The following TMEM236 variants were observed in gnomAD, a reference collection of about 807,000 sequenced individuals.
TMEM236 encodes the protein transmembrane protein 236, also known as family with sequence similarity 23, member A.
A neutral mutation model predicts 14.7 loss-of-function variants in TMEM236; 11 were observed. The observed-to-expected ratio is 0.75, with a 90% CI of 0.47 to 1.24. The LOEUF is 1.24. Ranked by LOEUF, TMEM236 falls within the 50% of genes most tolerant of loss-of-function variation. TMEM236 has a pLI of 0.00. For missense variants in TMEM236, 464 were observed against 427.3 expected (o/e 1.09, Z -0.76); for synonymous variants, 182 against 168.6 (o/e 1.08, Z -0.62).
intron 3 of TMEM236, among the ~76,000 whole-genome samples, chr10:17,783,624 T>C (rs1366844465): frequency 6.6e-6 from 1 of 152,220 alleles, no homozygotes; most frequent in Non-Finnish European, 1.5e-5. Context: ...ATGCAGAACT[T>C]CCGGCTCACA....
chr10:17,764,531 C>A (rs1019191174), intron 1 of TMEM236, among the ~76,000 whole-genome samples: 1 of 152,266 alleles, frequency 6.6e-6, no homozygotes, highest in African/African-American at 2.4e-5. Context: ...CCTAGGACTG[C>A]TATAACAAAG....
intron 1 of TMEM236, among the ~76,000 whole-genome samples, chr10:17,770,983 T>G (rs1837562527): frequency 6.6e-6 from 1 of 152,256 alleles, no homozygotes; most frequent in South Asian, 2.1e-4. Context: ...AGTTGGTCAC[T>G]ACAGCCTGAC....
At chr10:17,779,494 A>AT (rs1837713788) in intron 3 of TMEM236, among the ~76,000 whole-genome samples, 1 of 151,978 alleles carries the variant, frequency 6.6e-6, no homozygotes, top group Non-Finnish European at 1.5e-5. Flanking sequence ...TAATTAATTA[A>AT]TTTTTTGAGA....
In TMEM236 at chr10:17,800,223, C is replaced by G. The variant is rs1480263359; in HGVS notation, c.*3719C>G. 2 of 147,406 alleles carry G rather than the reference C, an allele frequency of 1.4e-5. No individual in the cohort carries two copies. Among genetic ancestry groups the G allele is most frequent in the African/African-American group, 2.5e-5 (1 of 39,770 alleles). 9.1% of individuals were successfully genotyped at this position (147,406 alleles called of 1,614,324 possible). A position where few individuals can be genotyped will look rare whatever the true frequency, so the allele number is the denominator to read the frequency against. ...CTCCAGCCTGGGCAACAGATTGAGA[C>G]TCTGTCTCAAAAAAAAAAAAAAGTC... On this transcript the variant is annotated 3_prime_UTR_variant, in exon 4 of 4. Transcript: ENST00000377495.
Position 17,800,223 on chromosome 10 carries a change from C to T in TMEM236, c.*3719C>T, listed in dbSNP as rs1480263359. ...CTCCAGCCTGGGCAACAGATTGAGA[C>T]TCTGTCTCAAAAAAAAAAAAAAGTC... On this transcript the variant is annotated 3_prime_UTR_variant, in exon 4 of 4. Coordinates refer to ENST00000377495, the MANE Select transcript of TMEM236 (RefSeq NM_001098844.3). 6.8e-6 allele frequency: 1 copy of T among 147,406 alleles called. No individual in the cohort carries two copies. The highest frequency in any genetic ancestry group is 2.5e-5 in the African/African-American group (1 of 39,770). The allele number at this position is 147,406 out of a possible 1,614,324, so 9.1% of individuals were successfully genotyped here. A position where few individuals can be genotyped will look rare whatever the true frequency, so the allele number is the denominator to read the frequency against.
At position 17,796,131 on chromosome 10, in the gene TMEM236, T is replaced by C; in HGVS notation, c.683T>C (p.Met228Thr). Residue 228 changes from methionine to threonine, a missense_variant, in exon 4 of 4, where the codon ATG becomes ACG. Transcript: ENST00000377495. Reference protein sequence around the residue: ...PSCDSGILRMMSRRDVRAELF... With the variant: ...PSCDSGILRMTSRRDVRAELF... Reference sequence around the variant, plus strand: ...TGTGACTCCGGAATCCTGAGAATGATGTCCCGGCGAGATGTCCGGGCAGAG... The same window carrying C: ...TGTGACTCCGGAATCCTGAGAATGACGTCCCGGCGAGATGTCCGGGCAGAG... 1 of 1,613,946 alleles carries C rather than the reference T, an allele frequency of 6.2e-7. No homozygotes were observed. The highest frequency in any genetic ancestry group is 1.7e-5 in the Admixed American group (1 of 60,008).
intron 3 of TMEM236, among the ~76,000 whole-genome samples, chr10:17,779,550 A>G (rs1000120957): frequency 6.6e-6 from 1 of 152,072 alleles, no homozygotes; most frequent in African/African-American, 2.4e-5. Flanking sequence ...AGCTGGGAAT[A>G]CAGGAGGGCA....
At chr10:17,786,329 C>A (rs1478439949) in intron 3 of TMEM236, among the ~76,000 whole-genome samples, 1 of 152,172 alleles carries the variant, frequency 6.6e-6, no homozygotes, top group Non-Finnish European at 1.5e-5. Context: ...TCAAAGAGAG[C>A]TGATCACCTG....
At chr10:17,769,694 G>A (rs1207091733) in intron 1 of TMEM236, among the ~76,000 whole-genome samples, 1 of 152,140 alleles carries the variant, frequency 6.6e-6, no homozygotes, top group Admixed American at 6.5e-5. Flanking sequence ...TCTTAGCCAG[G>A]TTATACTGGG....
At chr10:17,783,312 G>A (rs973638989) in intron 3 of TMEM236, among the ~76,000 whole-genome samples, 2 of 152,194 alleles carry the variant, frequency 1.3e-5, no homozygotes, top group Non-Finnish European at 2.9e-5. Context: ...ACTGTGCGGT[G>A]TGGCAAGAGG....
chr10:17,768,086 G>GTTTT (rs879036347), intron 1 of TMEM236, among the ~76,000 whole-genome samples: 83 of 91,976 alleles, frequency 9.0e-4, no homozygotes, highest in African/African-American at 1.2e-3. Context: ...AATTTTTGTG[G>GTTTT]TTTTTTTTTT....
At chr10:17,754,428 G>T (rs1421806914) in intron 1 of TMEM236, among the ~76,000 whole-genome samples, 1 of 152,012 alleles carries the variant, frequency 6.6e-6, no homozygotes, top group Admixed American at 6.6e-5. Context: ...GGGCTCAGGT[G>T]ATCCTCCTAC....
chr10:17,752,249 A>G lies in TMEM236; in HGVS notation c.-47A>G. 6.2e-7 allele frequency: 1 copy of G among 1,613,920 alleles called. No homozygotes were observed. The highest frequency in any genetic ancestry group is 8.5e-7 in the Non-Finnish European group (1 of 1,179,838). On this transcript the variant is annotated 5_prime_UTR_variant, in exon 1 of 4. Coordinates refer to ENST00000377495, the MANE Select transcript of TMEM236 (RefSeq NM_001098844.3). ...GTCTGTGGGTCCATATGCTGCCCAC[A>G]GTCAAAGAGGGAGTCCCAGGTTCTT...
At chr10:17,754,393 T>G (rs1325610355) in intron 1 of TMEM236, among the ~76,000 whole-genome samples, 1 of 152,144 alleles carries the variant, frequency 6.6e-6, no homozygotes. Flanking sequence ...TGATCATTGC[T>G]CACAGCAGCC....
intron 3 of TMEM236, 111 bp downstream of exon 3, chr10:17,776,281 A>G: frequency 9.6e-7 from 1 of 1,045,054 alleles, no homozygotes; most frequent in African/African-American, 1.6e-5. Flanking sequence ...TAGGGCTAAC[A>G]TTACTGATAG....
intron 3 of TMEM236, among the ~76,000 whole-genome samples, chr10:17,792,646 C>A (rs962827246): frequency 1.3e-5 from 2 of 152,250 alleles, no homozygotes; most frequent in East Asian, 3.9e-4. Flanking sequence ...ACAGTGACGA[C>A]CAAAAGTCGT....
At chr10:17,788,976 T>C (rs1380178434) in intron 3 of TMEM236, among the ~76,000 whole-genome samples, 5 of 152,152 alleles carry the variant, frequency 3.3e-5, no homozygotes, top group Non-Finnish European at 7.3e-5. Flanking sequence ...TCAGTTGCCT[T>C]TGTGGAGTGG....
At chr10:17,773,987 A>T (rs1564596919) in intron 2 of TMEM236, among the ~76,000 whole-genome samples, 1 of 152,152 alleles carries the variant, frequency 6.6e-6, no homozygotes, top group East Asian at 1.9e-4. Context: ...TGTCATTGTG[A>T]ATCTGAATTT....
intron 1 of TMEM236, among the ~76,000 whole-genome samples, chr10:17,752,931 T>G: frequency 6.6e-6 from 1 of 152,064 alleles, no homozygotes; most frequent in Non-Finnish European, 1.5e-5. Context: ...TTTGTTTGTT[T>G]TTTTGTTTGT....
Sources: allele counts gnomAD v4.1 joint callset (sites outside exome capture counted in the v4.1 genomes callset), GRCh38; gene constraint gnomAD v4.1.1; transcripts MANE v1.5; gene names NCBI Gene and HGNC (gene_info 2026-07-23, HGNC 2026-07-21).